The following KCNH8 variants were observed in gnomAD, a reference collection of about 807,000 sequenced individuals.
The protein encoded by KCNH8 is potassium voltage-gated channel subfamily H member 8.
A neutral mutation model predicts 103.6 loss-of-function variants in KCNH8; 70 were observed. That is an observed-to-expected ratio of 0.68 (90% CI 0.56 to 0.82). The LOEUF (loss-of-function observed/expected upper bound fraction) is 0.82, where lower values mean the gene tolerates loss of function less well. KCNH8 is among the 40% of genes least tolerant of loss of function. The pLI is 0.00. For synonymous variants in KCNH8, 498 were observed against 489.4 expected, an observed-to-expected ratio of 1.02 and a Z score of -0.23; for missense variants, 1,217 against 1,329.9, an observed-to-expected ratio of 0.92 and a Z score of 1.32.
intron 13 of KCNH8, among the ~76,000 whole-genome samples, chr3:19,514,347 T>C (rs2068837216): frequency 6.6e-6 from 1 of 151,968 alleles, no homozygotes; most frequent in Non-Finnish European, 1.5e-5. Flanking sequence ...AAGAATTCAG[T>C]TGGAGATGGT....
chr3:19,464,248 A>C (rs545404897), intron 11 of KCNH8, among the ~76,000 whole-genome samples: 21 of 152,228 alleles, frequency 1.4e-4, no homozygotes, highest in Middle Eastern at 3.4e-3. Flanking sequence ...CTTTATGGTC[A>C]CCTGATTTAT....
chr3:19,165,322 T>G (rs1472147369), intron 1 of KCNH8, among the ~76,000 whole-genome samples: 1 of 152,224 alleles, frequency 6.6e-6, no homozygotes, highest in Non-Finnish European at 1.5e-5. Flanking sequence ...TCAACTCTGA[T>G]GAGCAGCCTT....
In KCNH8 at chr3:19,190,611, A is replaced by G. The variant is rs561533044; in HGVS notation, c.76+41816A>G. Among the ~76,000 whole-genome samples, 9 of 152,060 alleles carry G rather than the reference A, an allele frequency of 5.9e-5. 1 individual carries two copies. The South Asian group carries it at 1.9e-3, about 32-fold the overall frequency. ...TACGTGTCCAATGTATTTATAGGCA[A>G]AGAAAAATTAGCTGCATGGACAAGA... On this transcript the variant is annotated intron_variant, in intron 1 of 15. Transcript: ENST00000328405.
chr3:19,484,607 G>A (rs538057941), intron 11 of KCNH8, among the ~76,000 whole-genome samples: 109 of 152,208 alleles, frequency 7.2e-4, no homozygotes, highest in African/African-American at 2.5e-3. Context: ...TCACATGGCT[G>A]TTGTGGATCC....
intron 11 of KCNH8, among the ~76,000 whole-genome samples, chr3:19,460,570 A>G (rs1445555903): frequency 6.6e-6 from 1 of 152,076 alleles, no homozygotes; most frequent in Non-Finnish European, 1.5e-5. Flanking sequence ...CTATCTTACA[A>G]TGAAATAGCA....
chr3:19,285,838 G>A (rs562065981), intron 3 of KCNH8, among the ~76,000 whole-genome samples: 3 of 152,224 alleles, frequency 2.0e-5, no homozygotes, highest in Non-Finnish European at 2.9e-5. Context: ...CCAGTTTTGC[G>A]ATACAGTATG....
chr3:19,369,463 C>A (rs976670612), intron 5 of KCNH8, among the ~76,000 whole-genome samples: 2 of 151,932 alleles, frequency 1.3e-5, no homozygotes, highest in African/African-American at 4.8e-5. Context: ...TGATTCTCTC[C>A]TTTCTCTCCG....
intron 3 of KCNH8, among the ~76,000 whole-genome samples, chr3:19,283,572 A>G (rs1469076693): frequency 6.6e-6 from 1 of 152,022 alleles, no homozygotes; most frequent in East Asian, 1.9e-4. Flanking sequence ...TTGCTACCTT[A>G]TTATAAATGT....
rs932526578 is a variant in KCNH8, at chr3:19,204,450, G to A, written c.77-49204G>A. ...AGAGAGAGAGAGAGAGTGTCTGTGT[G>A]TGTGTGTTCTGAACGCGATTTAAAA... On this transcript the variant is annotated intron_variant, in intron 1 of 15. Coordinates refer to ENST00000328405, the MANE Select transcript of KCNH8 (RefSeq NM_144633.3). Among the ~76,000 whole-genome samples, 4 of 151,952 alleles carry A rather than the reference G, an allele frequency of 2.6e-5. No homozygotes were observed. In the East Asian group the frequency reaches 7.7e-4, roughly 29 times the overall value.
chr3:19,470,064 A>T (rs535662459), intron 11 of KCNH8, among the ~76,000 whole-genome samples: 2 of 150,814 alleles, frequency 1.3e-5, no homozygotes, highest in African/African-American at 2.5e-5. Flanking sequence ...AATTATATTT[A>T]ATTTTTTTTT....
intron 8 of KCNH8, 76 bp downstream of exon 8, chr3:19,438,437 T>C (rs1409933787): frequency 8.2e-7 from 1 of 1,215,334 alleles, no homozygotes; most frequent in Non-Finnish European, 1.2e-6. Context: ...TGTTCTGTCC[T>C]GAAATACAAA....
chr3:19,494,329 T>G (rs1445742058), intron 11 of KCNH8, among the ~76,000 whole-genome samples: 1 of 152,082 alleles, frequency 6.6e-6, no homozygotes, highest in Non-Finnish European at 1.5e-5. Context: ...ATCATGGGAG[T>G]GGGCCTTTCC....
intron 1 of KCNH8, among the ~76,000 whole-genome samples, chr3:19,150,767 G>C (rs1405254176): frequency 6.6e-6 from 1 of 152,136 alleles, no homozygotes; most frequent in African/African-American, 2.4e-5. Context: ...CCTGTATTTA[G>C]TATAGTAAGA....
chr3:19,493,312 C>G (rs1193497191), intron 11 of KCNH8, among the ~76,000 whole-genome samples: 4 of 152,048 alleles, frequency 2.6e-5, no homozygotes, highest in Non-Finnish European at 4.4e-5. Context: ...GTGTCCCCAC[C>G]CAAATCTCAT....
intron 2 of KCNH8, among the ~76,000 whole-genome samples, chr3:19,262,200 T>C (rs998179283): frequency 3.9e-5 from 6 of 151,962 alleles, no homozygotes; most frequent in Non-Finnish European, 7.4e-5. Context: ...TTGGGTAGTG[T>C]GGACATTTTA....
chr3:19,251,273 G>A (rs1162798948), intron 1 of KCNH8, among the ~76,000 whole-genome samples: 2 of 152,020 alleles, frequency 1.3e-5, no homozygotes, highest in Non-Finnish European at 2.9e-5. Flanking sequence ...TAGTCAATAA[G>A]TGATTCTGCA....
intron 11 of KCNH8, among the ~76,000 whole-genome samples, chr3:19,470,471 TAGG>T (rs752983761): frequency 5.9e-5 from 9 of 152,306 alleles, no homozygotes; most frequent in Non-Finnish European, 1.2e-4. Context: ...TCAATTTAAA[TAGG>T]AGCAGAGTAA....
intron 7 of KCNH8, among the ~76,000 whole-genome samples, chr3:19,423,474 G>A (rs183294845): frequency 3.3e-5 from 5 of 151,904 alleles, no homozygotes; most frequent in Non-Finnish European, 7.4e-5. Flanking sequence ...TCATTCTTAT[G>A]CCTTTGCATC....
chr3:19,182,142 C>T (rs1001314094), intron 1 of KCNH8, among the ~76,000 whole-genome samples: 6 of 152,108 alleles, frequency 3.9e-5, no homozygotes, highest in African/African-American at 1.4e-4. Flanking sequence ...GTTATTCTTC[C>T]CATCAAGAGA....
Sources: allele counts gnomAD v4.1 joint callset (sites outside exome capture counted in the v4.1 genomes callset), GRCh38; gene constraint gnomAD v4.1.1; transcripts MANE v1.5; gene names NCBI Gene and HGNC (gene_info 2026-07-23, HGNC 2026-07-21).